The following NBAS variants were observed in gnomAD, a reference collection of about 807,000 sequenced individuals.
NBAS encodes NBAS subunit of NRZ tethering complex.
In NBAS, 219 loss-of-function variants were observed where a neutral mutation model predicts 302.5. The observed-to-expected ratio is 0.72, with a 90% CI of 0.65 to 0.81. The LOEUF is 0.81. NBAS is among the 30% of genes least tolerant of loss of function. NBAS has a pLI of 0.00. For missense variants in NBAS, 2,932 were observed against 2,841.6 expected, an observed-to-expected ratio of 1.03 and a Z score of -0.72; for synonymous variants, 1,118 against 1,021.6, an observed-to-expected ratio of 1.09 and a Z score of -1.80.
intron 44 of NBAS, among the ~76,000 whole-genome samples, chr2:15,244,882 G>A (rs1263945281): frequency 1.3e-5 from 2 of 152,098 alleles, no homozygotes; most frequent in Non-Finnish European, 1.5e-5. Flanking sequence ...CTTGTAGTTA[G>A]ACAGGGTTTC....
the NBAS span, among the ~76,000 whole-genome samples, chr2:15,107,280 G>C: frequency 6.6e-6 from 1 of 152,090 alleles, no homozygotes; most frequent in South Asian, 2.1e-4. Flanking sequence ...TGAGGACATA[G>C]TGAGAAAGTG....
chr2:14,952,578 G>A, the NBAS span, among the ~76,000 whole-genome samples: 33 of 152,282 alleles, frequency 2.2e-4, no homozygotes, highest in African/African-American at 7.7e-4. Flanking sequence ...GCCCAGAGGA[G>A]GGCACGTTCA....
chr2:15,184,418 G>T (rs775518848), intron 50 of NBAS, among the ~76,000 whole-genome samples: 11 of 151,794 alleles, frequency 7.2e-5, no homozygotes, highest in Non-Finnish European at 1.2e-4. Context: ...GAATCAGTGG[G>T]AACCCTGAGC....
At chr2:15,177,907 C>A in intron 51 of NBAS, 2 of 305,742 alleles carry the variant, frequency 6.5e-6, no homozygotes, top group South Asian at 3.1e-5. Context: ...CTTGCAGAAG[C>A]TTTTACATTA....
chr2:14,853,813 A>T, the NBAS span, among the ~76,000 whole-genome samples: 1 of 124,154 alleles, frequency 8.1e-6, no homozygotes, highest in African/African-American at 3.4e-5. Context: ...TCAGTAAACT[A>T]TCGCAAGAAC....
the NBAS span, among the ~76,000 whole-genome samples, chr2:15,057,388 G>A: frequency 8.9e-6 from 1 of 111,734 alleles, no homozygotes; most frequent in South Asian, 2.6e-4. Flanking sequence ...TTGGACCTTT[G>A]ATACCTTTTT....
chr2:15,195,412 T>C (rs1483561074), intron 48 of NBAS, among the ~76,000 whole-genome samples: 1 of 152,194 alleles, frequency 6.6e-6, no homozygotes, highest in Non-Finnish European at 1.5e-5. Flanking sequence ...ATATTTTTGA[T>C]ATGACACTCT....
chr2:15,501,684 GT>G (rs1661573636), intron 11 of NBAS, among the ~76,000 whole-genome samples: 1 of 144,560 alleles, frequency 6.9e-6, no homozygotes, highest in African/African-American at 2.5e-5. Flanking sequence ...CCGCCTCCCG[GT>G]TTTTTAAATG....
intron 35 of NBAS, 56 bp downstream of exon 35, chr2:15,351,936 C>T: frequency 7.6e-7 from 1 of 1,312,008 alleles, no homozygotes; most frequent in Non-Finnish European, 1.1e-6. Context: ...TTAGGTAATC[C>T]CACTTTATTC....
intron 25 of NBAS, among the ~76,000 whole-genome samples, chr2:15,411,328 T>G (rs1449510972): frequency 1.3e-5 from 2 of 152,144 alleles, no homozygotes; most frequent in East Asian, 3.9e-4. Context: ...ACTCCCTCCT[T>G]CTCATGAGTA....
At position 15,511,194 on chromosome 2, in the gene NBAS, G is replaced by A. The variant is rs750246414; in HGVS notation, c.885+18C>T. ...GAAATGACACATAGCAAAGTGAAGT[G>A]CCATAACTCATACTTACTGCAGTAA... On this transcript the variant is annotated intron_variant, in intron 10 of 51. Transcript: ENST00000281513. The A allele has an allele frequency of 5.6e-6, 9 of 1,613,886 alleles. No individual in the cohort carries two copies. The South Asian group carries it at 8.8e-5, about 16-fold the overall frequency.
At chr2:14,831,862 C>G in the NBAS span, among the ~76,000 whole-genome samples, 8 of 152,294 alleles carry the variant, frequency 5.3e-5, no homozygotes, top group Admixed American at 5.2e-4. Context: ...CCACATCATG[C>G]CTGGTGCATT....
chr2:15,448,750 C>T (rs1368080816), intron 21 of NBAS, among the ~76,000 whole-genome samples: 2 of 152,100 alleles, frequency 1.3e-5, no homozygotes, highest in East Asian at 3.9e-4. Context: ...TGATTCTTAG[C>T]AGAATTTTTC....
At chr2:15,364,978 A>G (rs999231143) in intron 32 of NBAS, among the ~76,000 whole-genome samples, 6 of 152,104 alleles carry the variant, frequency 3.9e-5, no homozygotes, top group Admixed American at 6.5e-5. Context: ...CACCTATGAT[A>G]CCTTTCTTAA....
intron 42 of NBAS, among the ~76,000 whole-genome samples, chr2:15,280,786 T>G (rs1572579803): frequency 6.6e-6 from 1 of 152,296 alleles, no homozygotes; most frequent in East Asian, 1.9e-4. Context: ...TGGTGAACAG[T>G]GGCCTCACCA....
chr2:15,262,647 T>G (rs1462452526), intron 44 of NBAS, among the ~76,000 whole-genome samples: 1 of 152,208 alleles, frequency 6.6e-6, no homozygotes, highest in Non-Finnish European at 1.5e-5. Flanking sequence ...CAAGATTCAA[T>G]TCAATTCAAC....
chr2:14,954,331 C>T, the NBAS span, among the ~76,000 whole-genome samples: 7 of 152,180 alleles, frequency 4.6e-5, no homozygotes, highest in African/African-American at 1.4e-4. Flanking sequence ...GATGCCTGCA[C>T]GGGGGAATCA....
chr2:15,096,891 A>C, the NBAS span, among the ~76,000 whole-genome samples: 1 of 152,220 alleles, frequency 6.6e-6, no homozygotes, highest in Non-Finnish European at 1.5e-5. Flanking sequence ...ACAGGGAGAA[A>C]GTTTATGCAA....
intron 21 of NBAS, among the ~76,000 whole-genome samples, chr2:15,445,160 T>A (rs1374578495): frequency 6.6e-6 from 1 of 151,526 alleles, no homozygotes; most frequent in Admixed American, 6.6e-5. Context: ...ACTGGGTATA[T>A]ACCCAAAGGA....
Sources: gnomAD v4.1 joint callset for allele counts (sites outside exome capture counted in the v4.1 genomes callset) on GRCh38, gnomAD v4.1.1 for gene constraint, MANE v1.5 for transcripts, NCBI Gene and HGNC (gene_info 2026-07-23, HGNC 2026-07-21) for gene names.